The following NELL2 variants were observed in gnomAD, a reference collection of about 807,000 sequenced individuals.
NELL2 encodes protein kinase C-binding protein NELL2.
A neutral mutation model predicts 109.6 loss-of-function variants in NELL2; 41 were observed. The observed-to-expected ratio is 0.37, with a 90% CI of 0.29 to 0.49. The LOEUF is 0.49. Among genes scored for constraint, NELL2 ranks in the 20% least tolerant of loss-of-function variants. NELL2 has a pLI of 0.98. For synonymous variants in NELL2, 355 were observed against 344.7 expected (o/e 1.03, Z -0.33); for missense variants, 900 against 1,008.3 (o/e 0.89, Z 1.45).
intron 2 of NELL2, among the ~76,000 whole-genome samples, chr12:44,861,483 C>T (rs1478013109): frequency 6.6e-6 from 1 of 152,142 alleles, no homozygotes; most frequent in African/African-American, 2.4e-5. Context: ...ACAGTCTCAA[C>T]ATTAGATTGG....
At chr12:44,791,189 T>TAC (rs1942411077) in intron 3 of NELL2, among the ~76,000 whole-genome samples, 1 of 33,516 alleles carries the variant, frequency 3.0e-5, no homozygotes, top group African/African-American at 1.1e-4. Context: ...CCATCATATA[T>TAC]ATATATATAT....
At chr12:44,871,436 G>A (rs1945157485) in intron 2 of NELL2, among the ~76,000 whole-genome samples, 1 of 152,176 alleles carries the variant, frequency 6.6e-6, no homozygotes, top group Non-Finnish European at 1.5e-5. Flanking sequence ...AAGAATGAAA[G>A]TAACTCGCTT....
intron 13 of NELL2, among the ~76,000 whole-genome samples, chr12:44,620,360 A>G (rs1402662909): frequency 6.6e-6 from 1 of 152,140 alleles, no homozygotes; most frequent in Non-Finnish European, 1.5e-5. Flanking sequence ...TCTCCAATGA[A>G]TATCTGTTAA....
At chr12:44,655,761 T>C (rs1592278424) in intron 13 of NELL2, among the ~76,000 whole-genome samples, 1 of 152,270 alleles carries the variant, frequency 6.6e-6, no homozygotes, top group Non-Finnish European at 1.5e-5. Context: ...AATTTGCTTT[T>C]GTGATCATGT....
At chr12:44,644,183 G>C (rs1205246049) in intron 13 of NELL2, among the ~76,000 whole-genome samples, 1 of 152,090 alleles carries the variant, frequency 6.6e-6, no homozygotes, top group Non-Finnish European at 1.5e-5. Flanking sequence ...AAGAAATTCA[G>C]GCCATTATGT....
At chr12:44,825,708 TTTGAGA>T (rs1448018064) in intron 2 of NELL2, among the ~76,000 whole-genome samples, 3 of 149,858 alleles carry the variant, frequency 2.0e-5, no homozygotes, top group South Asian at 4.3e-4. Flanking sequence ...TTCATTTCTT[TTTGAGA>T]TAGTTCATTG....
chr12:44,510,971 C>T (rs1940976286), intron 19 of NELL2, among the ~76,000 whole-genome samples: 1 of 152,160 alleles, frequency 6.6e-6, no homozygotes, highest in African/African-American at 2.4e-5. Context: ...AATATCAGCT[C>T]CTCAAATTAT....
chr12:44,869,114 T>A (rs1465220291), intron 2 of NELL2, among the ~76,000 whole-genome samples: 3 of 152,184 alleles, frequency 2.0e-5, no homozygotes, highest in Non-Finnish European at 4.4e-5. Context: ...CTGCATATAA[T>A]CCATTCTGAG....
intron 3 of NELL2, among the ~76,000 whole-genome samples, chr12:44,792,248 A>C (rs936237829): frequency 1.3e-5 from 2 of 152,186 alleles, no homozygotes; most frequent in Non-Finnish European, 2.9e-5. Context: ...GCTGGCTTGA[A>C]GAAGGTTCAA....
At chr12:44,804,133 T>C (rs1468424319) in intron 3 of NELL2, among the ~76,000 whole-genome samples, 1 of 151,982 alleles carries the variant, frequency 6.6e-6, no homozygotes, top group Non-Finnish European at 1.5e-5. Context: ...ATATATTCTA[T>C]GATGCATTCA....
At chr12:44,905,938 C>T (rs1945715162) in intron 1 of NELL2, among the ~76,000 whole-genome samples, 1 of 151,750 alleles carries the variant, frequency 6.6e-6, no homozygotes, top group Non-Finnish European at 1.5e-5. Flanking sequence ...AAACAGGGAA[C>T]AAATAATAAA....
At chr12:44,876,561 G>T (rs1945332980), upstream of NELL2, 2 of 1,483,146 alleles carry the variant, frequency 1.3e-6, no homozygotes, top group Non-Finnish European at 1.8e-6. Flanking sequence ...GGGATTGAAA[G>T]CTCTAAATCC....
chr12:44,519,104 GA>G (rs1253525056), intron 19 of NELL2, among the ~76,000 whole-genome samples: 2 of 152,084 alleles, frequency 1.3e-5, no homozygotes, highest in East Asian at 3.9e-4. Context: ...TGCTCTGTAG[GA>G]AAAAAATTAC....
At chr12:44,799,392 C>A (rs1043897994) in intron 3 of NELL2, among the ~76,000 whole-genome samples, 1 of 152,068 alleles carries the variant, frequency 6.6e-6, no homozygotes, top group South Asian at 2.1e-4. Context: ...AGCTGCAAAC[C>A]GGTTCTGCCT....
intron 2 of NELL2, among the ~76,000 whole-genome samples, 177 bp from the exon 3 acceptor site, chr12:44,816,313 A>G (rs1032538694): frequency 5.3e-5 from 8 of 152,332 alleles, no homozygotes; most frequent in African/African-American, 1.7e-4. Context: ...ATATAATAAC[A>G]CAGGACAATA....
intron 3 of NELL2, among the ~76,000 whole-genome samples, chr12:44,790,623 C>A (rs1023646258): frequency 2.0e-5 from 3 of 150,992 alleles, no homozygotes; most frequent in Non-Finnish European, 4.4e-5. Context: ...AAAGTACACA[C>A]GCAACAAAGA....
At chr12:44,566,564 C>CAG (rs918625892) in intron 15 of NELL2, among the ~76,000 whole-genome samples, 1 of 129,896 alleles carries the variant, frequency 7.7e-6, no homozygotes, top group African/African-American at 3.3e-5. Context: ...CACACACACA[C>CAG]ACAGAGTTTT....
intron 13 of NELL2, among the ~76,000 whole-genome samples, chr12:44,644,580 G>GTATATATATATATATATA (rs138161908): frequency 2.8e-4 from 24 of 84,362 alleles, no homozygotes; most frequent in Non-Finnish European, 4.2e-4. Context: ...ACAAAGTAAA[G>GTATATATATATATATATA]TATATATATA....
chr12:44,570,201 T>C (rs1327872065), intron 15 of NELL2, among the ~76,000 whole-genome samples: 6 of 152,194 alleles, frequency 3.9e-5, no homozygotes, highest in Non-Finnish European at 1.5e-5. Flanking sequence ...GATCCCCCAT[T>C]GATTTCTGCA....
Sources: allele counts gnomAD v4.1 joint callset (sites outside exome capture counted in the v4.1 genomes callset), GRCh38; gene constraint gnomAD v4.1.1; transcripts MANE v1.5; gene names NCBI Gene and HGNC (gene_info 2026-07-23, HGNC 2026-07-21).